Variants in ROCK1 observed in about 807,000 individuals in gnomAD.
The protein encoded by ROCK1 is rho-associated protein kinase 1.
A neutral mutation model predicts 196.8 loss-of-function variants in ROCK1; 36 were observed. That is an observed-to-expected ratio of 0.18 (90% CI 0.14 to 0.24). The LOEUF (loss-of-function observed/expected upper bound fraction) is 0.24. Among genes scored for constraint, ROCK1 ranks in the 10% least tolerant of loss-of-function variants. ROCK1 has a pLI of 1.00. For missense variants in ROCK1, 920 were observed against 1,562.0 expected, an observed-to-expected ratio of 0.59 and a Z score of 6.93; for synonymous variants, 443 against 515.9, an observed-to-expected ratio of 0.86 and a Z score of 1.91.
At position 20,982,876 on chromosome 18, in the gene ROCK1, T is replaced by A. The variant is rs756633341; in HGVS notation, c.2490-44A>T. 8 of 814,750 alleles carry A rather than the reference T, an allele frequency of 9.8e-6. No homozygotes were observed. The African/African-American group carries it at 1.0e-4, about 11-fold the overall frequency. 50.5% of individuals were successfully genotyped at this position (814,750 alleles called of 1,614,324 possible). On this transcript the variant is annotated intron_variant, in intron 20 of 32. Coordinates refer to ENST00000399799, the MANE Select transcript of ROCK1 (RefSeq NM_005406.3). Reference sequence around the variant, plus strand: ...ACAAGTGAACAAACGCTCCTACTTATACTAGACTTCATTTTTTCTTAGTTT... The same window carrying A: ...ACAAGTGAACAAACGCTCCTACTTAAACTAGACTTCATTTTTTCTTAGTTT...
rs368394720 is a variant in ROCK1 at position 21,012,497 on chromosome 18, GA to G, written c.1410+2933del. Among the ~76,000 whole-genome samples, 108 of 152,204 alleles carry G rather than the reference GA, an allele frequency of 7.1e-4. No individual in the cohort carries two copies. The Middle Eastern group carries it at 0.01, about 14-fold the overall frequency. On this transcript the variant is annotated intron_variant, in intron 13 of 32. Coordinates refer to ENST00000399799, the MANE Select transcript of ROCK1 (RefSeq NM_005406.3). ...TCCTGGCCTCCATGGTTTCTGATAAGAAATCAGCTGTCACTTACACTGTTGT... is the reference window on the plus strand; with the variant it reads ...TCCTGGCCTCCATGGTTTCTGATAAGAATCAGCTGTCACTTACACTGTTGT...
At chr18:21,028,372 T>A (rs1018614454) in intron 10 of ROCK1, among the ~76,000 whole-genome samples, 6 of 151,766 alleles carry the variant, frequency 4.0e-5, no homozygotes, top group African/African-American at 1.5e-4. Flanking sequence ...GCAAAGATTG[T>A]GCCACTGCAC....
intron 9 of ROCK1, among the ~76,000 whole-genome samples, chr18:21,032,688 T>G (rs1015283540): frequency 4.0e-5 from 6 of 148,640 alleles, no homozygotes; most frequent in Admixed American, 3.4e-4. Context: ...CCTGGCTATT[T>G]TTTTTTTTTT....
intron 29 of ROCK1, among the ~76,000 whole-genome samples, chr18:20,957,615 G>C (rs1172604655): frequency 1.3e-5 from 2 of 151,958 alleles, no homozygotes; most frequent in Non-Finnish European, 1.5e-5. Flanking sequence ...CGAGTAGCTG[G>C]GATTACAGGC....
intron 16 of ROCK1, among the ~76,000 whole-genome samples, chr18:20,995,261 G>A (rs972393183): frequency 4.6e-5 from 7 of 152,078 alleles, no homozygotes; most frequent in Non-Finnish European, 1.5e-5. Flanking sequence ...TTGCATATAC[G>A]TACCAAAACA....
At chr18:21,105,492 T>C (rs373075436) in intron 1 of ROCK1, among the ~76,000 whole-genome samples, 31 of 152,310 alleles carry the variant, frequency 2.0e-4, no homozygotes, top group East Asian at 1.2e-3. Flanking sequence ...CCAAGAGTAA[T>C]ATACCCCCAA....
chr18:20,997,577 C>T (rs905267947), intron 16 of ROCK1, among the ~76,000 whole-genome samples: 1 of 152,160 alleles, frequency 6.6e-6, no homozygotes, highest in East Asian at 1.9e-4. Context: ...CTGGACAGAT[C>T]ACCTAGACAG....
At chr18:21,064,604 T>C (rs1460473290) in intron 2 of ROCK1, among the ~76,000 whole-genome samples, 1 of 152,236 alleles carries the variant, frequency 6.6e-6, no homozygotes, top group Non-Finnish European at 1.5e-5. Context: ...CCAGGAAGGA[T>C]GGGAGTAGAA....
chr18:21,000,647 A>G (rs565904561), intron 16 of ROCK1, among the ~76,000 whole-genome samples: 3 of 152,342 alleles, frequency 2.0e-5, no homozygotes, highest in South Asian at 4.1e-4. Flanking sequence ...GGACAACTGG[A>G]TATTAGATGC....
At chr18:21,031,050 A>G (rs1174759952) in intron 9 of ROCK1, among the ~76,000 whole-genome samples, 2 of 152,240 alleles carry the variant, frequency 1.3e-5, no homozygotes, top group Non-Finnish European at 2.9e-5. Context: ...GTGAATACAC[A>G]TGACAAGGAA....
At chr18:21,103,029 T>C (rs1414251795) in intron 1 of ROCK1, among the ~76,000 whole-genome samples, 1 of 152,158 alleles carries the variant, frequency 6.6e-6, no homozygotes, top group Non-Finnish European at 1.5e-5. Context: ...GATATCAGAC[T>C]TTGGACGTTA....
intron 32 of ROCK1, among the ~76,000 whole-genome samples, chr18:20,952,172 C>T (rs1257193985): frequency 6.6e-6 from 1 of 152,080 alleles, no homozygotes; most frequent in Non-Finnish European, 1.5e-5. Context: ...CACCTGAGGT[C>T]AGGAGTTCAA....
At chr18:21,014,718 T>C (rs1265996955) in intron 13 of ROCK1, among the ~76,000 whole-genome samples, 1 of 152,218 alleles carries the variant, frequency 6.6e-6, no homozygotes, top group Non-Finnish European at 1.5e-5. Context: ...AGCAAGCCAT[T>C]GACAGATACC....
chr18:21,109,639 G>T (rs778378875), intron 1 of ROCK1, among the ~76,000 whole-genome samples: 2 of 152,062 alleles, frequency 1.3e-5, no homozygotes, highest in African/African-American at 4.8e-5. Flanking sequence ...TTATTTCCTG[G>T]TCAGGGATGC....
chr18:20,960,407 C>T (rs1425612586), intron 27 of ROCK1, among the ~76,000 whole-genome samples: 4 of 152,066 alleles, frequency 2.6e-5, no homozygotes. Context: ...TTCCAAGCCA[C>T]TTTTCCCATA....
chr18:21,099,990 G>A (rs2036644616), intron 1 of ROCK1, among the ~76,000 whole-genome samples: 1 of 150,138 alleles, frequency 6.7e-6, no homozygotes, highest in East Asian at 2.0e-4. Context: ...GAGCCAAGAT[G>A]GTGCCACTGC....
At chr18:21,038,243 TG>T (rs2036074278) in intron 9 of ROCK1, among the ~76,000 whole-genome samples, 1 of 152,152 alleles carries the variant, frequency 6.6e-6, no homozygotes, top group Admixed American at 6.5e-5. Context: ...ATAATAATTA[TG>T]TCACATTTAA....
chr18:20,984,632 C>A, intron 19 of ROCK1, 97 bp from the exon 20 acceptor site: 1 of 830,158 alleles, frequency 1.2e-6, no homozygotes, highest in Non-Finnish European at 1.8e-6. Flanking sequence ...CATTATAATT[C>A]ATGGTACTAG....
intron 4 of ROCK1, among the ~76,000 whole-genome samples, chr18:21,048,135 T>C (rs930127757): frequency 1.3e-5 from 2 of 152,132 alleles, no homozygotes; most frequent in Admixed American, 6.5e-5. Context: ...AAGACAACTT[T>C]CAGACTTATG....
Sources: gnomAD v4.1 joint callset for allele counts (sites outside exome capture counted in the v4.1 genomes callset) on GRCh38, gnomAD v4.1.1 for gene constraint, MANE v1.5 for transcripts, NCBI Gene and HGNC (gene_info 2026-07-23, HGNC 2026-07-21) for gene names.